The following KCND3 variants were observed in gnomAD, a reference collection of about 807,000 sequenced individuals.
KCND3 encodes potassium voltage-gated channel subfamily D member 3.
In KCND3, 9 loss-of-function variants were observed where a neutral mutation model predicts 51.1. The observed-to-expected ratio is 0.18, with a 90% CI of 0.11 to 0.31. The LOEUF (loss-of-function observed/expected upper bound fraction) is 0.31. KCND3 is among the 10% of genes least tolerant of loss of function. The pLI is 1.00. For synonymous variants in KCND3, 349 were observed against 368.0 expected (o/e 0.95, Z 0.59); for missense variants, 526 against 903.8 (o/e 0.58, Z 5.36).
intron 2 of KCND3, among the ~76,000 whole-genome samples, chr1:111,811,128 G>T (rs1665827611): frequency 1.3e-5 from 2 of 152,162 alleles, no homozygotes; most frequent in South Asian, 4.1e-4. Flanking sequence ...CAGTGTAATG[G>T]GGGAAGGTCC....
chr1:111,836,539 A>G (rs1003298282), intron 2 of KCND3, among the ~76,000 whole-genome samples: 1 of 152,060 alleles, frequency 6.6e-6, no homozygotes, highest in African/African-American at 2.4e-5. Flanking sequence ...TGCACCTTCT[A>G]GGTTTGTTTC....
Position 111,960,026 on chromosome 1 carries a change from G to A in KCND3, c.1106+21595C>T, listed in dbSNP as rs533954440. On this transcript the variant is annotated intron_variant, in intron 2 of 7. Coordinates refer to ENST00000302127, the MANE Select transcript of KCND3 (RefSeq NM_001378969.1). ...AGCACTCACTCTTCTCTCTCCTGCC[G>A]CCATGTGGAAAAAAAGAAAAAAAAA... 4.7e-5 allele frequency among the ~76,000 whole-genome samples: 7 copies of A among 148,566 alleles called. No homozygotes were observed. The East Asian group carries it at 5.9e-4, about 13-fold the overall frequency.
intron 2 of KCND3, among the ~76,000 whole-genome samples, chr1:111,977,277 G>C (rs1231732368): frequency 6.6e-6 from 1 of 152,168 alleles, no homozygotes; most frequent in Admixed American, 6.5e-5. Context: ...TCCACTTCTG[G>C]CACTGTGGGG....
rs1557752825 is a variant in KCND3 at position 111,965,448 on chromosome 1, ACAC to A, written c.1106+16170_1106+16172del. The stretch of plus-strand genomic sequence containing the variant: ...TTATGGCCAGCAAAACCACACACAC[ACAC>A]ACACACACACACACACACACACACA... On this transcript the variant is annotated intron_variant, in intron 2 of 7. Transcript: ENST00000302127. Among the ~76,000 whole-genome samples, 734 of 135,620 alleles carry A rather than the reference ACAC, an allele frequency of 5.4e-3. 7 individuals are homozygous for A. The highest frequency in any genetic ancestry group is 8.2e-3 in the Non-Finnish European group (531 of 64,428). The allele number at this position is 135,620 out of a possible 152,430, so 89.0% of individuals were successfully genotyped here.
intron 2 of KCND3, among the ~76,000 whole-genome samples, chr1:111,914,031 A>G (rs1671080340): frequency 2.0e-5 from 3 of 152,228 alleles, no homozygotes; most frequent in Admixed American, 2.0e-4. Flanking sequence ...GCATACAAGA[A>G]TGGTAAAACT....
intron 2 of KCND3, among the ~76,000 whole-genome samples, chr1:111,889,801 G>A (rs190660349): frequency 6.6e-6 from 1 of 152,222 alleles, no homozygotes; most frequent in East Asian, 1.9e-4. Flanking sequence ...AAATCTTATG[G>A]AGGAAAACAA....
At chr1:111,850,326 A>G (rs917451995) in intron 2 of KCND3, among the ~76,000 whole-genome samples, 4 of 152,000 alleles carry the variant, frequency 2.6e-5, no homozygotes, top group African/African-American at 9.7e-5. Context: ...AAACAACCCG[A>G]CTGACAGCAC....
intron 2 of KCND3, among the ~76,000 whole-genome samples, chr1:111,975,693 A>C (rs142533879): frequency 1.2e-3 from 184 of 152,176 alleles, no homozygotes; most frequent in African/African-American, 4.3e-3. Context: ...GGTCATGAGG[A>C]CCCTACATGA....
At chr1:111,947,133 G>A (rs1250755624) in intron 2 of KCND3, among the ~76,000 whole-genome samples, 1 of 152,152 alleles carries the variant, frequency 6.6e-6, no homozygotes, top group East Asian at 1.9e-4. Flanking sequence ...ATTATTGATA[G>A]ACTGGTACCA....
intron 2 of KCND3, among the ~76,000 whole-genome samples, chr1:111,873,878 G>C (rs999099937): frequency 1.3e-5 from 2 of 152,022 alleles, no homozygotes; most frequent in African/African-American, 4.8e-5. Context: ...GGCACAAGCA[G>C]GGGAGAACGG....
At chr1:111,891,691 T>G (rs17028970) in intron 2 of KCND3, among the ~76,000 whole-genome samples, 12,122 of 152,308 alleles carry the variant, frequency 0.08, 522 homozygotes, top group East Asian at 0.17. Flanking sequence ...CCACAACTAG[T>G]ATGTAGATTC....
intron 2 of KCND3, among the ~76,000 whole-genome samples, chr1:111,928,089 T>G (rs1367787144): frequency 6.6e-6 from 1 of 152,162 alleles, no homozygotes; most frequent in Non-Finnish European, 1.5e-5. Flanking sequence ...CACTGACTTT[T>G]TAATTTTTTT....
At chr1:111,958,861 G>C (rs1018058634) in intron 2 of KCND3, among the ~76,000 whole-genome samples, 1 of 152,212 alleles carries the variant, frequency 6.6e-6, no homozygotes, top group African/African-American at 2.4e-5. Flanking sequence ...TGAGGGTGGT[G>C]GTGGGGGAAC....
chr1:111,987,268 A>G (rs959143985), intron 1 of KCND3, among the ~76,000 whole-genome samples: 1 of 152,058 alleles, frequency 6.6e-6, no homozygotes. Context: ...TCCTTTACAA[A>G]CTGCTTTCAG....
chr1:111,987,749 C>A (rs1173776427), intron 1 of KCND3, among the ~76,000 whole-genome samples: 1 of 152,198 alleles, frequency 6.6e-6, no homozygotes, highest in African/African-American at 2.4e-5. Flanking sequence ...ACTGCACATG[C>A]CTCAAATGCC....
rs139674325 is a variant in KCND3, at chr1:111,842,433, G to A, written c.1107-55327C>T. Among the ~76,000 whole-genome samples, 878 of 152,328 alleles carry A rather than the reference G, an allele frequency of 5.8e-3. 10 individuals carry two copies. Among genetic ancestry groups the A allele is most frequent in the African/African-American group, 0.02 (811 of 41,566 alleles). On this transcript the variant is annotated intron_variant, in intron 2 of 7. Transcript: ENST00000302127. ...TGAGAAAGCAGTGCCACTCTCCCTG[G>A]AGAGGTCCAGTGAGGCTCTGACTGG...
chr1:111,814,903 T>C (rs950235973), intron 2 of KCND3, among the ~76,000 whole-genome samples: 2 of 152,236 alleles, frequency 1.3e-5, no homozygotes, highest in African/African-American at 4.8e-5. Context: ...CTCAGCCATA[T>C]TAAGGAGGCC....
rs1021910258 is a variant in KCND3 at position 111,774,001 on chromosome 1, C to T, written c.*2076G>A. The T allele has an allele frequency of 2.0e-5, 3 of 152,212 alleles. No homozygotes were observed. Among genetic ancestry groups the T allele is most frequent in the Admixed American group, 6.5e-5 (1 of 15,274 alleles). The allele number at this position is 152,212 out of a possible 1,614,324, so 9.4% of individuals were successfully genotyped here. A position where few individuals can be genotyped will look rare whatever the true frequency, so the allele number is the denominator to read the frequency against. ...CTTTTCTGCCTTCTTAGTCTGTAAG[C>T]TCAGAGGGCAAGAACCACTCCATTC... On this transcript the variant is annotated 3_prime_UTR_variant, in exon 8 of 8. Transcript: ENST00000302127.
At chr1:111,822,965 A>T (rs187924285) in intron 2 of KCND3, among the ~76,000 whole-genome samples, 14 of 152,324 alleles carry the variant, frequency 9.2e-5, no homozygotes, top group Admixed American at 6.5e-4. Context: ...ATGATGGGAA[A>T]TTCAAGACAC....
Sources: gnomAD v4.1 joint callset for allele counts (sites outside exome capture counted in the v4.1 genomes callset) on GRCh38, gnomAD v4.1.1 for gene constraint, MANE v1.5 for transcripts, NCBI Gene and HGNC (gene_info 2026-07-23, HGNC 2026-07-21) for gene names.